The following PIK3CA variants were observed in gnomAD, a reference collection of about 807,000 sequenced individuals.
PIK3CA encodes phosphatidylinositol-4,5-bisphosphate 3-kinase catalytic subunit alpha, also known as phosphatidylinositol 4,5-bisphosphate 3-kinase catalytic subunit alpha isoform.
A neutral mutation model predicts 138.2 loss-of-function variants in PIK3CA; 27 were observed. That is an observed-to-expected ratio of 0.20 (90% confidence interval 0.14 to 0.27). PIK3CA has a LOEUF of 0.27. PIK3CA is among the 10% of genes least tolerant of loss of function. PIK3CA has a pLI of 1.00. For missense variants in PIK3CA, 544 were observed against 1,277.4 expected (o/e 0.43, Z 8.75); for synonymous variants, 358 against 413.2 (o/e 0.87, Z 1.62).
intron 1 of PIK3CA, among the ~76,000 whole-genome samples, chr3:179,180,652 T>C (rs1292687323): frequency 6.6e-6 from 1 of 151,996 alleles, no homozygotes; most frequent in African/African-American, 2.4e-5. Context: ...ACCTTGGAGA[T>C]TGAGAAAGTG....
rs1330606672 is a variant in PIK3CA at position 179,238,121 on chromosome 3, C to T, written c.*3757C>T. On this transcript the variant is annotated 3_prime_UTR_variant, in exon 21 of 21. Coordinates refer to ENST00000263967, the MANE Select transcript of PIK3CA (RefSeq NM_006218.4). The stretch of plus-strand genomic sequence containing the variant: ...ATGAATTACATTCTTTATATCCATC[C>T]TGCTCATTTGGGGCATGTCTTTAAG... The T allele has an allele frequency of 1.3e-5, 3 of 224,824 alleles. No homozygotes were observed. Among genetic ancestry groups the T allele is most frequent in the African/African-American group, 4.5e-5 (2 of 44,822 alleles). 13.9% of individuals were successfully genotyped at this position (224,824 alleles called of 1,614,324 possible). A position where few individuals can be genotyped will look rare whatever the true frequency, so the allele number is the denominator to read the frequency against.
At chr3:179,179,582 C>T (rs565374496) in intron 1 of PIK3CA, among the ~76,000 whole-genome samples, 6 of 152,076 alleles carry the variant, frequency 3.9e-5, no homozygotes, top group Non-Finnish European at 8.8e-5. Context: ...GCAGTGGTTA[C>T]GTGGGTGTAA....
chr3:179,203,780 C>T lies in PIK3CA; in HGVS notation c.1050C>T (p.Asp350=), dbSNP rs750219461. The change falls in exon 5 of 21, where the codon GAC becomes GAT. Residue 350 remains aspartate, a synonymous_variant. Transcript: ENST00000263967. ...CATYVNVNIR[D]IDKIYVRTGI... ...CCTACGTGAATGTAAATATTCGAGA[C>T]ATTGATAAGGTAAAGTCAAATGCTG... The T allele has an allele frequency of 1.2e-6, 2 of 1,604,824 alleles. No individual in the cohort carries two copies. Among genetic ancestry groups the T allele is most frequent in the East Asian group, 2.2e-5 (1 of 44,810 alleles).
At chr3:179,217,880 C>T (rs1300761259) in intron 9 of PIK3CA, among the ~76,000 whole-genome samples, 4 of 152,030 alleles carry the variant, frequency 2.6e-5, no homozygotes, top group South Asian at 2.1e-4. Context: ...ACAAGATCCT[C>T]ATCAGGAGGA....
intron 4 of PIK3CA, among the ~76,000 whole-genome samples, chr3:179,202,939 GTTTT>G (rs372017091): frequency 1.7e-5 from 2 of 119,026 alleles, no homozygotes; most frequent in Non-Finnish European, 3.4e-5. Flanking sequence ...TGTGATCCTT[GTTTT>G]TTTTTTTTTT....
intron 1 of PIK3CA, among the ~76,000 whole-genome samples, chr3:179,156,560 A>G (rs928253847): frequency 7.9e-5 from 12 of 152,180 alleles, no homozygotes; most frequent in Admixed American, 2.0e-4. Flanking sequence ...TTCTAGGTCT[A>G]TCCTCAGTTG....
chr3:179,164,390 GA>G (rs1418675635), intron 1 of PIK3CA, among the ~76,000 whole-genome samples: 2 of 152,064 alleles, frequency 1.3e-5, no homozygotes, highest in Non-Finnish European at 2.9e-5. Flanking sequence ...CATTTACATT[GA>G]AAGAAATATG....
chr3:179,184,057 C>T (rs983066619), intron 1 of PIK3CA, among the ~76,000 whole-genome samples: 4 of 152,138 alleles, frequency 2.6e-5, no homozygotes, highest in East Asian at 1.9e-4. Context: ...ATTAGGAGGA[C>T]GACAGAAGAC....
chr3:179,187,537 CAAAAA>C (rs375116506), intron 1 of PIK3CA, among the ~76,000 whole-genome samples: 2 of 63,340 alleles, frequency 3.2e-5, no homozygotes, highest in Admixed American at 2.0e-4. Context: ...GACTCCGCCT[CAAAAA>C]AAAAAAAAAA....
chr3:179,228,750 ACAT>A (rs1048976659), intron 17 of PIK3CA, among the ~76,000 whole-genome samples: 1 of 152,052 alleles, frequency 6.6e-6, no homozygotes, highest in African/African-American at 2.4e-5. Context: ...ACTTATATTA[ACAT>A]GTCATAGTTT....
At chr3:179,218,760 C>T (rs1483457432) in intron 10 of PIK3CA, among the ~76,000 whole-genome samples, 2 of 151,876 alleles carry the variant, frequency 1.3e-5, no homozygotes, top group Admixed American at 6.6e-5. Flanking sequence ...GTTGGTGATA[C>T]GGGTATATTT....
intron 1 of PIK3CA, among the ~76,000 whole-genome samples, chr3:179,174,243 G>C (rs1723638857): frequency 6.6e-6 from 1 of 151,934 alleles, no homozygotes; most frequent in South Asian, 2.1e-4. Context: ...GGCTGAGGTG[G>C]GCGGGTCATG....
In PIK3CA at chr3:179,236,985, TAC is replaced by T. The variant is rs1421828660; in HGVS notation, c.*2623_*2624del. The stretch of plus-strand genomic sequence containing the variant: ...ATATGGTGTAACTGACTATTGGCTC[TAC>T]AGTTTTATTGGGCCACTTAAGAAAT... On this transcript the variant is annotated 3_prime_UTR_variant, in exon 21 of 21. Transcript: ENST00000263967. 1 of 199,304 alleles carries T rather than the reference TAC, an allele frequency of 5.0e-6. No individual in the cohort carries two copies. Among genetic ancestry groups the T allele is most frequent in the Non-Finnish European group, 1.0e-5 (1 of 96,562 alleles). The allele number at this position is 199,304 out of a possible 1,614,324, so 12.3% of individuals were successfully genotyped here. A position where few individuals can be genotyped will look rare whatever the true frequency, so the allele number is the denominator to read the frequency against.
chr3:179,149,407 T>G (rs1722951233), intron 1 of PIK3CA: 1 of 152,128 alleles, frequency 6.6e-6, no homozygotes, highest in Admixed American at 6.5e-5. Flanking sequence ...GGGTTTATTT[T>G]AGGATGCTAA....
At chr3:179,183,547 G>C (rs1297496224) in intron 1 of PIK3CA, among the ~76,000 whole-genome samples, 1 of 152,182 alleles carries the variant, frequency 6.6e-6, no homozygotes, top group Non-Finnish European at 1.5e-5. Flanking sequence ...AGCAGGTTAA[G>C]AATAGACATT....
chr3:179,212,950 A>G (rs1475970858), intron 9 of PIK3CA, among the ~76,000 whole-genome samples: 1 of 152,202 alleles, frequency 6.6e-6, no homozygotes, highest in Non-Finnish European at 1.5e-5. Flanking sequence ...TTTGTAGTTA[A>G]GTTTTTGGGG....
rs1276596514 is a variant in PIK3CA, at chr3:179,235,831, G to A, written c.*1467G>A. 1 of 213,320 alleles carries A rather than the reference G, an allele frequency of 4.7e-6. No homozygotes were observed. Among genetic ancestry groups the A allele is most frequent in the Non-Finnish European group, 9.5e-6 (1 of 105,422 alleles). The allele number at this position is 213,320 out of a possible 1,614,324, so 13.2% of individuals were successfully genotyped here. On this transcript the variant is annotated 3_prime_UTR_variant, in exon 21 of 21. Transcript: ENST00000263967. ...CTTTATTAAATACTATTTGAGCACAGGACACATTCTTAAACATTTTGAAAA... is the reference window on the plus strand; with the variant it reads ...CTTTATTAAATACTATTTGAGCACAAGACACATTCTTAAACATTTTGAAAA...
intron 1 of PIK3CA, among the ~76,000 whole-genome samples, chr3:179,168,232 A>C (rs1262229577): frequency 6.6e-6 from 1 of 152,200 alleles, no homozygotes; most frequent in African/African-American, 2.4e-5. Context: ...AAACTTTGGA[A>C]AACTAATTGT....
At chr3:179,225,732 C>T (rs1201905195) in intron 16 of PIK3CA, among the ~76,000 whole-genome samples, 5 of 152,042 alleles carry the variant, frequency 3.3e-5, no homozygotes, top group East Asian at 1.9e-4. Flanking sequence ...TAGCAAGACC[C>T]CATCTCAAAA....
Sources: allele counts gnomAD v4.1 joint callset (sites outside exome capture counted in the v4.1 genomes callset), GRCh38; gene constraint gnomAD v4.1.1; transcripts MANE v1.5; gene names NCBI Gene and HGNC (gene_info 2026-07-23, HGNC 2026-07-21).